The following PSD3 variants were observed in gnomAD, a reference collection of about 807,000 sequenced individuals.
PSD3 encodes the protein PH and SEC7 domain-containing protein 3.
In PSD3, 49 loss-of-function variants were observed where a neutral mutation model predicts 105.5. That is an observed-to-expected ratio of 0.46 (90% CI 0.37 to 0.59). The LOEUF (loss-of-function observed/expected upper bound fraction) is 0.59. PSD3 is among the 20% of genes least tolerant of loss of function. The probability of loss-of-function intolerance (pLI) is 0.00; values close to 1 mark genes in which losing one functional copy is unlikely to be tolerated. For synonymous variants in PSD3, 557 were observed against 457.8 expected (o/e 1.22, Z -2.77); for missense variants, 1,561 against 1,263.8 (o/e 1.24, Z -3.57).
chr8:19,036,475 A>G (rs1339686022), intron 1 of PSD3, among the ~76,000 whole-genome samples: 3 of 152,148 alleles, frequency 2.0e-5, no homozygotes, highest in Non-Finnish European at 2.9e-5. Flanking sequence ...AGAAAAACCC[A>G]CCAGAGATCC....
At chr8:18,711,283 T>C (rs573885508) in intron 9 of PSD3, among the ~76,000 whole-genome samples, 1 of 152,208 alleles carries the variant, frequency 6.6e-6, no homozygotes, top group Non-Finnish European at 1.5e-5. Context: ...AATTCACACA[T>C]AACAATATGA....
At chr8:18,644,017 G>A (rs1177494246) in intron 10 of PSD3, among the ~76,000 whole-genome samples, 2 of 152,196 alleles carry the variant, frequency 1.3e-5, no homozygotes, top group African/African-American at 2.4e-5. Context: ...GGCTCTGGTG[G>A]AGAGCACCCT....
At chr8:18,570,779 C>G (rs1481699802) in intron 14 of PSD3, among the ~76,000 whole-genome samples, 3 of 151,800 alleles carry the variant, frequency 2.0e-5, no homozygotes, top group African/African-American at 7.3e-5. Flanking sequence ...CTAACAATTT[C>G]TCATATTGTA....
At chr8:19,048,702 T>G (rs1000140741) in intron 1 of PSD3, among the ~76,000 whole-genome samples, 4 of 152,224 alleles carry the variant, frequency 2.6e-5, no homozygotes, top group African/African-American at 9.6e-5. Context: ...GAACTGTCAC[T>G]GTTAGAATCC....
intron 9 of PSD3, among the ~76,000 whole-genome samples, chr8:18,701,693 C>A (rs1446929093): frequency 6.6e-6 from 1 of 152,140 alleles, no homozygotes; most frequent in Non-Finnish European, 1.5e-5. Context: ...TCAATGTGAA[C>A]TTTCTTTAAA....
chr8:18,907,927 C>T (rs1487563329), intron 2 of PSD3, among the ~76,000 whole-genome samples: 3 of 152,086 alleles, frequency 2.0e-5, no homozygotes, highest in Non-Finnish European at 4.4e-5. Flanking sequence ...TAATCTTTTG[C>T]ACTCGGCACA....
intron 1 of PSD3, among the ~76,000 whole-genome samples, chr8:19,067,458 C>G (rs916327260): frequency 6.6e-6 from 1 of 152,168 alleles, no homozygotes; most frequent in Admixed American, 6.5e-5. Context: ...ACCAGAACAG[C>G]CCTTGGACTC....
At chr8:18,732,895 T>G (rs1335472000) in intron 9 of PSD3, 1 of 151,966 alleles carries the variant, frequency 6.6e-6, no homozygotes, top group Admixed American at 6.6e-5. Context: ...AAAATGAAAT[T>G]AGGAAAAAGA....
rs1791528215 is a variant in PSD3 at position 18,853,895 on chromosome 8, G to A, written c.1634+13779C>T. Among the ~76,000 whole-genome samples, 3 of 152,128 alleles carry A rather than the reference G, an allele frequency of 2.0e-5. 1 individual carries two copies. The South Asian group carries it at 6.2e-4, about 32-fold the overall frequency. On this transcript the variant is annotated intron_variant, in intron 4 of 15. Coordinates refer to ENST00000327040, the MANE Select transcript of PSD3 (RefSeq NM_015310.4). The stretch of plus-strand genomic sequence containing the variant: ...ATTTTGCCCAAACATTGTAGACCCT[G>A]TAATAAATATACTCTTCATTTGTCA...
chr8:18,801,666 C>A (rs965914324), intron 6 of PSD3, among the ~76,000 whole-genome samples: 1 of 152,072 alleles, frequency 6.6e-6, no homozygotes, highest in African/African-American at 2.4e-5. Flanking sequence ...CCCATCTCTA[C>A]TAAAAATACA....
chr8:18,579,466 A>C (rs1025798001), intron 12 of PSD3, among the ~76,000 whole-genome samples: 2 of 152,144 alleles, frequency 1.3e-5, no homozygotes, highest in Non-Finnish European at 2.9e-5. Flanking sequence ...GATGACTAAA[A>C]ACATGTTACT....
intron 12 of PSD3, among the ~76,000 whole-genome samples, chr8:18,585,950 T>C (rs897436226): frequency 3.3e-5 from 5 of 152,126 alleles, no homozygotes; most frequent in African/African-American, 4.8e-5. Flanking sequence ...GTGACTCTTC[T>C]TTTGGAAGAG....
chr8:19,082,035 G>A (rs552605200), intron 1 of PSD3, among the ~76,000 whole-genome samples: 9 of 152,302 alleles, frequency 5.9e-5, no homozygotes, highest in East Asian at 1.9e-4. Flanking sequence ...GATACTTTGC[G>A]ACAATTCATA....
chr8:18,708,301 T>G lies in PSD3; in HGVS notation c.2173-52616A>C, dbSNP rs1007620196. ...GTAACAGTAATTCCTCTACATTGTA[T>G]GGAAGGGCCAAATAAGAGACTGTGG... On this transcript the variant is annotated intron_variant, in intron 9 of 15. Coordinates refer to ENST00000327040, the MANE Select transcript of PSD3 (RefSeq NM_015310.4). Among the ~76,000 whole-genome samples the G allele has an allele frequency of 1.1e-4, 17 of 152,294 alleles. No individual in the cohort carries two copies. The East Asian group carries it at 3.1e-3, about 28-fold the overall frequency.
At chr8:19,072,868 T>TG (rs1214736269) in intron 1 of PSD3, among the ~76,000 whole-genome samples, 228 of 152,336 alleles carry the variant, frequency 1.5e-3, no homozygotes, top group African/African-American at 5.4e-3. Flanking sequence ...GCTGAGTTCA[T>TG]GTGGAAGGAC....
intron 12 of PSD3, among the ~76,000 whole-genome samples, chr8:18,583,666 T>C (rs930076136): frequency 6.6e-6 from 1 of 152,180 alleles, no homozygotes; most frequent in African/African-American, 2.4e-5. Flanking sequence ...TGGGGTTAGA[T>C]ATCACTTTCT....
intron 4 of PSD3, among the ~76,000 whole-genome samples, chr8:18,826,763 C>T (rs1417150771): frequency 6.6e-6 from 1 of 152,190 alleles, no homozygotes. Flanking sequence ...CACCCAGGAT[C>T]AACTTTCATT....
At chr8:18,836,409 G>A (rs1292158691) in intron 4 of PSD3, among the ~76,000 whole-genome samples, 1 of 152,148 alleles carries the variant, frequency 6.6e-6, no homozygotes, top group Non-Finnish European at 1.5e-5. Context: ...AACTTATGTG[G>A]ATTTTATTTA....
intron 1 of PSD3, among the ~76,000 whole-genome samples, chr8:19,072,278 G>T (rs552154307): frequency 5.8e-4 from 87 of 151,300 alleles, no homozygotes; most frequent in African/African-American, 2.0e-3. Flanking sequence ...ACTTTCTAGT[G>T]ATTTCACCAT....
Sources: gnomAD v4.1 joint callset for allele counts (sites outside exome capture counted in the v4.1 genomes callset) on GRCh38, gnomAD v4.1.1 for gene constraint, MANE v1.5 for transcripts, NCBI Gene and HGNC (gene_info 2026-07-23, HGNC 2026-07-21) for gene names.